TMC2: variants seen among roughly 807,000 people sequenced by gnomAD.
TMC2 encodes transmembrane channel-like protein 2.
Under a neutral mutation model 105.9 loss-of-function variants are expected in TMC2, and 102 were observed. The observed-to-expected ratio is 0.96, with a 90% confidence interval of 0.82 to 1.14. The LOEUF (loss-of-function observed/expected upper bound fraction) is 1.14, where lower values mean the gene tolerates loss of function less well. Among genes scored for constraint, TMC2 ranks in the 50% most tolerant of loss-of-function variants. The probability of loss-of-function intolerance (pLI) is 0.00; values close to 1 mark genes in which losing one functional copy is unlikely to be tolerated. For missense variants in TMC2, 1,093 were observed against 1,134.3 expected (o/e 0.96, Z 0.52); for synonymous variants, 402 against 422.8 (o/e 0.95, Z 0.60).
chr20:2,602,152 A>G lies in TMC2; in HGVS notation c.1264A>G (p.Asn422Asp). 7.4e-6 allele frequency: 12 copies of G among 1,612,526 alleles called. No individual in the cohort carries two copies. The highest frequency in any genetic ancestry group is 8.5e-6 in the Non-Finnish European group (10 of 1,179,492). ...TGAACAAGAGAGTAACAAAGAAGAA[A>G]ATATCCATCTGACAAGATTTCTTCG... ...VDEQESNKEE[N>D]IHLTRFLRVL... The change falls in exon 11 of 20, where the codon AAT (asparagine) becomes GAT (aspartate). Residue 422 changes from asparagine to aspartate, a missense_variant. By Grantham distance (23) the Asn-to-Asp change is conservative. Coordinates refer to ENST00000358864, the MANE Select transcript of TMC2 (RefSeq NM_080751.3).
At chr20:2,549,392 GCT>G (rs1429630891) in intron 2 of TMC2, among the ~76,000 whole-genome samples, 3 of 152,092 alleles carry the variant, frequency 2.0e-5, no homozygotes, top group Non-Finnish European at 4.4e-5. Flanking sequence ...AATTAAATGA[GCT>G]CTTTTATTTT....
At chr20:2,637,661 G>C in intron 19 of TMC2, 70 bp downstream of exon 19, 1 of 1,101,420 alleles carries the variant, frequency 9.1e-7, no homozygotes, top group Non-Finnish European at 1.4e-6. Context: ...CTATGAAACA[G>C]CGTGAAATCA....
chr20:2,562,432 C>T lies in TMC2; in HGVS notation c.554+422C>T, dbSNP rs376762137. Among the ~76,000 whole-genome samples, 77 of 152,364 alleles carry T rather than the reference C, an allele frequency of 5.1e-4. 3 individuals carry two copies. In the South Asian group the frequency reaches 0.015, roughly 30 times the overall value. On this transcript the variant is annotated intron_variant, in intron 4 of 19. Coordinates refer to ENST00000358864, the MANE Select transcript of TMC2 (RefSeq NM_080751.3). Reference sequence around the variant, plus strand: ...CTCCATGTGTACACACTCTCGCTTGCGTGATTTGCACGGTGAGTGGGAGAG... The same window carrying T: ...CTCCATGTGTACACACTCTCGCTTGTGTGATTTGCACGGTGAGTGGGAGAG...
rs1174796327 is a variant in TMC2, at chr20:2,642,410, ATC to A, written c.*1061_*1062del. Among the ~76,000 whole-genome samples the A allele has an allele frequency of 6.2e-4, 95 of 152,296 alleles. 1 individual carries two copies. Among genetic ancestry groups the A allele is most frequent in the African/African-American group, 2.2e-3 (92 of 41,554 alleles). On this transcript the variant is annotated 3_prime_UTR_variant, in exon 20 of 20. Transcript: ENST00000358864. ...GCGAGTGAGTTGCCCAGTGCCTCTT[ATC>A]TTGGAAGGAAACCTGCCTTACCCAG... is the stretch of plus-strand genomic sequence containing the variant.
rs2086277746 is a variant in TMC2 at position 2,592,635 on chromosome 20, C to T, written c.933+227C>T. ...CTCTGACAGATGTGGGCTCCCCATG[C>T]AGCCACTGCACCTCTCTGTCTGCCA... On this transcript the variant is annotated intron_variant, in intron 8 of 19. Coordinates refer to ENST00000358864, the MANE Select transcript of TMC2 (RefSeq NM_080751.3). The surrounding 1 kb of genome is among the most constrained non-coding windows in gnomAD (Gnocchi z 4.9). Among the ~76,000 whole-genome samples, 1 of 152,174 alleles carries T rather than the reference C, an allele frequency of 6.6e-6. No homozygotes were observed. Among genetic ancestry groups the T allele is most frequent in the Non-Finnish European group, 1.5e-5 (1 of 68,022 alleles).
At chr20:2,636,972 T>C (rs1174741539) in intron 18 of TMC2, among the ~76,000 whole-genome samples, 3 of 152,100 alleles carry the variant, frequency 2.0e-5, no homozygotes, top group African/African-American at 7.2e-5. Flanking sequence ...AAATAGAGGA[T>C]TGGAAAGATC....
chr20:2,550,002 G>A (rs908661766), intron 2 of TMC2, among the ~76,000 whole-genome samples: 1 of 152,022 alleles, frequency 6.6e-6, no homozygotes, highest in Non-Finnish European at 1.5e-5. Flanking sequence ...GGCCAACATG[G>A]TAAAACCCCG....
intron 9 of TMC2, among the ~76,000 whole-genome samples, chr20:2,596,710 A>AAT (rs1555774914): frequency 0.27 from 34,467 of 126,272 alleles, 4,162 homozygotes; most frequent in Middle Eastern, 0.37. Flanking sequence ...ATCAGAAAAA[A>AAT]ATATATATGT....
At chr20:2,569,332 C>G (rs2086086806) in intron 4 of TMC2, among the ~76,000 whole-genome samples, 2 of 152,204 alleles carry the variant, frequency 1.3e-5, no homozygotes, top group South Asian at 4.1e-4. Context: ...CCAACTTTAA[C>G]AGGGTGCTCA....
At chr20:2,580,195 G>A (rs2146198954) in intron 7 of TMC2, 139 bp downstream of exon 7, 1 of 485,558 alleles carries the variant, frequency 2.1e-6, no homozygotes, top group East Asian at 3.4e-5. Flanking sequence ...AAAAGTAATT[G>A]TTTTGCATTA....
chr20:2,572,760 T>C (rs1170207927), intron 5 of TMC2, among the ~76,000 whole-genome samples: 1 of 152,124 alleles, frequency 6.6e-6, no homozygotes, highest in East Asian at 1.9e-4. Context: ...TACTGAAGTA[T>C]CCTTCCTTTA....
chr20:2,638,064 G>C (rs576418269), intron 19 of TMC2, among the ~76,000 whole-genome samples: 1 of 152,208 alleles, frequency 6.6e-6, no homozygotes, highest in Non-Finnish European at 1.5e-5. Context: ...AGTCTAGGCC[G>C]GGCGTGGTGG....
At chr20:2,614,834 G>A (rs1046501096) in intron 14 of TMC2, among the ~76,000 whole-genome samples, 2 of 151,518 alleles carry the variant, frequency 1.3e-5, no homozygotes, top group Non-Finnish European at 2.9e-5. Context: ...AAAAATGTGG[G>A]GGATTATATC....
chr20:2,619,526 G>A (rs974311918), intron 16 of TMC2, among the ~76,000 whole-genome samples: 1 of 152,196 alleles, frequency 6.6e-6, no homozygotes, highest in Non-Finnish European at 1.5e-5. Flanking sequence ...AACACACTTT[G>A]AGAAATGCTG....
intron 10 of TMC2, among the ~76,000 whole-genome samples, chr20:2,598,310 A>C (rs1415199298): frequency 6.6e-6 from 1 of 152,210 alleles, no homozygotes. Context: ...TGTGCAGATC[A>C]GTCCCACAGG....
Position 2,597,198 on chromosome 20 carries a change from A to C in TMC2, c.1124A>C (p.Asn375Thr), listed in dbSNP as rs754677215. ...AGCACAGGCGAAGGGGAGAGTGACA[A>C]CTTCACATTCAGCTTCAAGATGTTC... ...QGSTGEGESD[N>T]FTFSFKMFTS... Residue 375 changes from asparagine to threonine, a missense_variant, in exon 10 of 20, where the codon AAC (asparagine) becomes ACC (threonine). Coordinates refer to ENST00000358864, the MANE Select transcript of TMC2 (RefSeq NM_080751.3). The C allele has an allele frequency of 6.2e-7, 1 of 1,614,166 alleles. No individual in the cohort carries two copies. The highest frequency in any genetic ancestry group is 8.5e-7 in the Non-Finnish European group (1 of 1,180,010).
intron 16 of TMC2, 142 bp from the exon 17 acceptor site, chr20:2,624,129 T>G: frequency 1.1e-6 from 1 of 927,034 alleles, no homozygotes; most frequent in Non-Finnish European, 1.6e-6. Flanking sequence ...TTACTTGCAG[T>G]TCATTTGGAG....
At chr20:2,602,001 T>C (rs1009454008) in intron 10 of TMC2, 112 bp from the exon 11 acceptor site, 1 of 686,240 alleles carries the variant, frequency 1.5e-6, no homozygotes, top group Admixed American at 3.0e-5. Context: ...TCATCTCCTC[T>C]GTATTATTTC....
chr20:2,538,470 G>A (rs970444286), intron 2 of TMC2, among the ~76,000 whole-genome samples: 5 of 152,072 alleles, frequency 3.3e-5, no homozygotes, highest in Admixed American at 1.3e-4. Context: ...GTCGGGCCAC[G>A]GTGCTCCCGT....
Sources: gnomAD v4.1 joint callset for allele counts (sites outside exome capture counted in the v4.1 genomes callset) on GRCh38, gnomAD v4.1.1 for gene constraint, Gnocchi (gnomAD v3.1) non-coding constraint, MANE v1.5 for transcripts, NCBI Gene and HGNC (gene_info 2026-07-23, HGNC 2026-07-21) for gene names.